SOX11: variants seen among roughly 807,000 people sequenced by gnomAD.
SOX11 encodes SRY-box transcription factor 11.
Under a neutral mutation model 16.7 loss-of-function variants are expected in SOX11, and 5 were observed. The ratio of observed to expected loss-of-function variants is 0.30; its 90% CI spans 0.16 to 0.63. The LOEUF (loss-of-function observed/expected upper bound fraction) is 0.63. Ranked by LOEUF, SOX11 falls within the 20% of genes least tolerant of loss-of-function variation. SOX11 has a pLI of 0.82. For synonymous variants in SOX11, 363 were observed against 298.8 expected, an observed-to-expected ratio of 1.21 and a Z score of -2.22; for missense variants, 492 against 641.5, an observed-to-expected ratio of 0.77 and a Z score of 2.52.
chr2:5,693,852 C>G lies in SOX11; in HGVS notation c.1131C>G (p.Ser377Arg), dbSNP rs762687158. The change falls in exon 1 of 1, where the codon AGC becomes AGG. Residue 377 changes from serine to arginine, a missense_variant. Transcript: ENST00000322002. The surrounding 1 kb of genome is among the most constrained non-coding windows in gnomAD (Gnocchi z 8.6). ...TCTCTCAAAGCGCGCACAGCGCCAG[C>G]GAGCAGCAGCTGGGGGGCGGCGCGG... is the stretch of plus-strand genomic sequence containing the variant. ...LNFSQSAHSA[S>R]EQQLGGGAAA... 1.3e-6 allele frequency: 2 copies of G among 1,551,248 alleles called. No homozygotes were observed. Among genetic ancestry groups the G allele is most frequent in the Non-Finnish European group, 1.7e-6 (2 of 1,146,936 alleles).
Position 5,699,102 on chromosome 2 carries a change from A to T in SOX11, c.*5055A>T, listed in dbSNP as rs1665792714. ...GACACTTTGAGAGAGGTTTTCTTGGACTCTCCCATTTATAGAATCTTTATA... is the reference window on the plus strand; with the variant it reads ...GACACTTTGAGAGAGGTTTTCTTGGTCTCTCCCATTTATAGAATCTTTATA... On this transcript the variant is annotated 3_prime_UTR_variant, in exon 1 of 1. Transcript: ENST00000322002. The T allele has an allele frequency of 6.0e-6, 1 of 166,452 alleles. No homozygotes were observed. The highest frequency in any genetic ancestry group is 2.4e-5 in the African/African-American group (1 of 41,218). The allele number at this position is 166,452 out of a possible 1,614,324, so 10.3% of individuals were successfully genotyped here. A position where few individuals can be genotyped will look rare whatever the true frequency, so the allele number is the denominator to read the frequency against.
chr2:5,693,581 C>A lies in SOX11; in HGVS notation c.860C>A (p.Ser287Tyr). The change falls in exon 1 of 1, where the codon TCC becomes TAC. Residue 287 changes from serine to tyrosine, a missense_variant. Transcript: ENST00000322002. The surrounding 1 kb of genome is among the most constrained non-coding windows in gnomAD (Gnocchi z 8.6). The stretch of plus-strand genomic sequence containing the variant: ...CCTACGCTGAGCAGCTCGGCGGAGT[C>A]CCCCGAGGGAGCGAGCCTCTACGAC... Reference protein sequence around the residue: ...ASPTLSSSAESPEGASLYDEV... With the variant: ...ASPTLSSSAEYPEGASLYDEV... 6.4e-7 allele frequency: 1 copy of A among 1,561,610 alleles called. No homozygotes were observed. The highest frequency in any genetic ancestry group is 8.6e-7 in the Non-Finnish European group (1 of 1,161,128).
In SOX11 at chr2:5,700,249, T is replaced by A. The variant is rs1253339628; in HGVS notation, c.*6202T>A. ...CGTCTCACTGTTTGATCAAACTTCTTTTATGTAGTCACGTAGACTTGATTT... is the reference window on the plus strand; with the variant it reads ...CGTCTCACTGTTTGATCAAACTTCTATTATGTAGTCACGTAGACTTGATTT... On this transcript the variant is annotated 3_prime_UTR_variant, in exon 1 of 1. Transcript: ENST00000322002. 1 of 167,020 alleles carries A rather than the reference T, an allele frequency of 6.0e-6. No homozygotes were observed. The highest frequency in any genetic ancestry group is 1.5e-5 in the Non-Finnish European group (1 of 68,120). The allele number at this position is 167,020 out of a possible 1,614,324, so 10.3% of individuals were successfully genotyped here.
chr2:5,696,108 G>T lies in SOX11; in HGVS notation c.*2061G>T, dbSNP rs955912422. The T allele has an allele frequency of 1.2e-5, 2 of 166,890 alleles. No individual in the cohort carries two copies. Among genetic ancestry groups the T allele is most frequent in the Non-Finnish European group, 2.9e-5 (2 of 68,164 alleles). 10.3% of individuals were successfully genotyped at this position (166,890 alleles called of 1,614,324 possible). On this transcript the variant is annotated 3_prime_UTR_variant, in exon 1 of 1. Transcript: ENST00000322002. ...CAGCCGCCTTTGGCAGCGAGCGCTC[G>T]GGGCACTTCTATCCCCGCCTCTCAA... is the stretch of plus-strand genomic sequence containing the variant.
chr2:5,698,055 C>T lies in SOX11; in HGVS notation c.*4008C>T, dbSNP rs2103280485. ...TTTTTTTTTTTTAAAGCCATGTGGC[C>T]TAACTTGATACAAAAATAAAAGTAA... is the stretch of plus-strand genomic sequence containing the variant. On this transcript the variant is annotated 3_prime_UTR_variant, in exon 1 of 1. Coordinates refer to ENST00000322002, the MANE Select transcript of SOX11 (RefSeq NM_003108.4). The T allele has an allele frequency of 6.0e-6, 1 of 166,720 alleles. No individual in the cohort carries two copies. Among genetic ancestry groups the T allele is most frequent in the South Asian group, 2.1e-4 (1 of 4,824 alleles). 10.3% of individuals were successfully genotyped at this position (166,720 alleles called of 1,614,324 possible). A position where few individuals can be genotyped will look rare whatever the true frequency, so the allele number is the denominator to read the frequency against.
Position 5,692,549 on chromosome 2 carries a change from A to C in SOX11, c.-173A>C. On this transcript the variant is annotated 5_prime_UTR_variant, in exon 1 of 1. Transcript: ENST00000322002. Reference sequence around the variant, plus strand: ...GGCGGCCGTCGTCGCCGAAGCCACCACAGCCGCTGTGTGCAGCCTGGAAGG... The same window carrying C: ...GGCGGCCGTCGTCGCCGAAGCCACCCCAGCCGCTGTGTGCAGCCTGGAAGG... 4.1e-6 allele frequency: 2 copies of C among 491,628 alleles called. No individual in the cohort carries two copies. The allele number at this position is 491,628 out of a possible 1,614,324, so 30.5% of individuals were successfully genotyped here.
rs1191041661 is a variant in SOX11 at position 5,692,555 on chromosome 2, G to C, written c.-167G>C. 4 of 560,436 alleles carry C rather than the reference G, an allele frequency of 7.1e-6. No individual in the cohort carries two copies. The highest frequency in any genetic ancestry group is 1.2e-5 in the Non-Finnish European group (4 of 344,334). 34.7% of individuals were successfully genotyped at this position (560,436 alleles called of 1,614,324 possible). A position where few individuals can be genotyped will look rare whatever the true frequency, so the allele number is the denominator to read the frequency against. On this transcript the variant is annotated 5_prime_UTR_variant, in exon 1 of 1. Transcript: ENST00000322002. ...CGTCGTCGCCGAAGCCACCACAGCC[G>C]CTGTGTGCAGCCTGGAAGGGGGGGC...
In SOX11 at chr2:5,698,695, CTT is replaced by C. The variant is rs2103280912; in HGVS notation, c.*4651_*4652del. On this transcript the variant is annotated 3_prime_UTR_variant, in exon 1 of 1. Coordinates refer to ENST00000322002, the MANE Select transcript of SOX11 (RefSeq NM_003108.4). ...GCTAGAGAAAGAAATCATTACAACT[CTT>C]TTGGGCAGAGATGTTTCTTTTTAAT... 1 of 167,176 alleles carries C rather than the reference CTT, an allele frequency of 6.0e-6. No homozygotes were observed. Among genetic ancestry groups the C allele is most frequent in the Non-Finnish European group, 1.5e-5 (1 of 68,102 alleles). The allele number at this position is 167,176 out of a possible 1,614,324, so 10.4% of individuals were successfully genotyped here. A position where few individuals can be genotyped will look rare whatever the true frequency, so the allele number is the denominator to read the frequency against.
Position 5,701,374 on chromosome 2 carries a change from G to T in SOX11, c.*7327G>T. 1 of 166,984 alleles carries T rather than the reference G, an allele frequency of 6.0e-6. No homozygotes were observed. 10.3% of individuals were successfully genotyped at this position (166,984 alleles called of 1,614,324 possible). A position where few individuals can be genotyped will look rare whatever the true frequency, so the allele number is the denominator to read the frequency against. ...TCAAAAGACTCTAATAAAATTGTGT[G>T]ATCAATCTTCACTTGTGGTTTTTAT... is the stretch of plus-strand genomic sequence containing the variant. On this transcript the variant is annotated 3_prime_UTR_variant, in exon 1 of 1. Coordinates refer to ENST00000322002, the MANE Select transcript of SOX11 (RefSeq NM_003108.4).
Position 5,697,684 on chromosome 2 carries a change from T to G in SOX11, c.*3637T>G, listed in dbSNP as rs941922505. 1.2e-5 allele frequency: 2 copies of G among 167,118 alleles called. No homozygotes were observed. The highest frequency in any genetic ancestry group is 4.8e-5 in the African/African-American group (2 of 41,444). 10.4% of individuals were successfully genotyped at this position (167,118 alleles called of 1,614,324 possible). On this transcript the variant is annotated 3_prime_UTR_variant, in exon 1 of 1. Transcript: ENST00000322002. ...ACCAGGTTCTCAATATAGAACTGGA[T>G]TTCTGGAGTTGTTTACCTTACCCCA... is the stretch of plus-strand genomic sequence containing the variant.
rs557141376 is a variant in SOX11, at chr2:5,692,421, C to G, written c.-301C>G. On this transcript the variant is annotated 5_prime_UTR_variant, in exon 1 of 1. Coordinates refer to ENST00000322002, the MANE Select transcript of SOX11 (RefSeq NM_003108.4). ...CGCGCGCCTGGGAGAGCTCGGGGTC[C>G]GGCGCTTGCGGTAGGAGCCACGAGC... Among the ~76,000 whole-genome samples, 30 of 152,152 alleles carry G rather than the reference C, an allele frequency of 2.0e-4. 1 individual carries two copies. In the South Asian group the frequency reaches 2.9e-3, roughly 15 times the overall value.
chr2:5,694,099 TGGGA>T lies in SOX11; in HGVS notation c.*55_*58del, dbSNP rs1421483529. The T allele has an allele frequency of 6.7e-7, 1 of 1,493,192 alleles. No individual in the cohort carries two copies. Among genetic ancestry groups the T allele is most frequent in the East Asian group, 2.5e-5 (1 of 40,260 alleles). The allele number at this position is 1,493,192 out of a possible 1,614,324, so 92.5% of individuals were successfully genotyped here. ...TCGGAGGGTGCAGAGCTGGGTTCCTTGGGAGGAAGTTGTAGTGGTGATGATGATG... is the reference window on the plus strand; with the variant it reads ...TCGGAGGGTGCAGAGCTGGGTTCCTTGGAAGTTGTAGTGGTGATGATGATG... On this transcript the variant is annotated 3_prime_UTR_variant, in exon 1 of 1. Coordinates refer to ENST00000322002, the MANE Select transcript of SOX11 (RefSeq NM_003108.4).
chr2:5,694,100 G>C lies in SOX11; in HGVS notation c.*53G>C, dbSNP rs1665687437. 1 of 1,493,380 alleles carries C rather than the reference G, an allele frequency of 6.7e-7. No homozygotes were observed. The highest frequency in any genetic ancestry group is 1.4e-5 in the African/African-American group (1 of 69,230). The allele number at this position is 1,493,380 out of a possible 1,614,324, so 92.5% of individuals were successfully genotyped here. A position where few individuals can be genotyped will look rare whatever the true frequency, so the allele number is the denominator to read the frequency against. ...CGGAGGGTGCAGAGCTGGGTTCCTT[G>C]GGAGGAAGTTGTAGTGGTGATGATG... On this transcript the variant is annotated 3_prime_UTR_variant, in exon 1 of 1. Transcript: ENST00000322002.
In SOX11 at chr2:5,695,153, A is replaced by G. The variant is rs1370790709; in HGVS notation, c.*1106A>G. On this transcript the variant is annotated 3_prime_UTR_variant, in exon 1 of 1. Coordinates refer to ENST00000322002, the MANE Select transcript of SOX11 (RefSeq NM_003108.4). ...TGTTGGTACGTTATGTCCTGGTTTA[A>G]AAAGGATTAAAATTTTAAAATAATC... The G allele has an allele frequency of 6.0e-6, 1 of 166,882 alleles. No individual in the cohort carries two copies. The highest frequency in any genetic ancestry group is 1.5e-5 in the Non-Finnish European group (1 of 68,076). The allele number at this position is 166,882 out of a possible 1,614,324, so 10.3% of individuals were successfully genotyped here. A position where few individuals can be genotyped will look rare whatever the true frequency, so the allele number is the denominator to read the frequency against.
Position 5,693,653 on chromosome 2 carries a change from T to A in SOX11, c.932T>A (p.Leu311His), listed in dbSNP as rs760713336. ...ATSGAGGGSR[L>H]YYSFKNITKQ... is the part of the protein sequence containing the mutation. ...TCGGGCGCCGGGGGCGGCAGCCGCC[T>A]CTACTACAGCTTCAAGAACATCACC... Residue 311 changes from leucine (L) to histidine (H), a missense_variant, in exon 1 of 1, where the codon CTC (leucine) becomes CAC (histidine). Leu to His is a moderately conservative substitution (Grantham distance 99, BLOSUM62 -3). Around this residue, in one of 4 missense-constraint regions of SOX11, gnomAD observed 389 missense variants for 389.0 expected, o/e 1.00. Transcript: ENST00000322002. The surrounding 1 kb of genome is among the most constrained non-coding windows in gnomAD (Gnocchi z 8.6). The A allele has an allele frequency of 5.6e-6, 9 of 1,594,686 alleles. No homozygotes were observed. Among genetic ancestry groups the A allele is most frequent in the Non-Finnish European group, 6.8e-6 (8 of 1,176,852 alleles).
In SOX11 at chr2:5,700,009, G is replaced by A. The variant is rs919604513; in HGVS notation, c.*5962G>A. Reference sequence around the variant, plus strand: ...CATGTATAAAAGTAATAACTTTATTGGGTAGAGATATTCTTACAAGATCTA... The same window carrying A: ...CATGTATAAAAGTAATAACTTTATTAGGTAGAGATATTCTTACAAGATCTA... On this transcript the variant is annotated 3_prime_UTR_variant, in exon 1 of 1. Transcript: ENST00000322002. 5 of 167,002 alleles carry A rather than the reference G, an allele frequency of 3.0e-5. No individual in the cohort carries two copies. Among genetic ancestry groups the A allele is most frequent in the African/African-American group, 9.7e-5 (4 of 41,444 alleles). 10.3% of individuals were successfully genotyped at this position (167,002 alleles called of 1,614,324 possible).
rs947054437 is a variant in SOX11, at chr2:5,692,665, G to T, written c.-57G>T. ...AGGTGGAGGGGTGGGAGGGGGAGGG[G>T]GACCTCCGCACGAGACCCAGCGGCC... is the stretch of plus-strand genomic sequence containing the variant. On this transcript the variant is annotated 5_prime_UTR_variant, in exon 1 of 1. Coordinates refer to ENST00000322002, the MANE Select transcript of SOX11 (RefSeq NM_003108.4). 7.0e-7 allele frequency: 1 copy of T among 1,431,096 alleles called. No homozygotes were observed. Among genetic ancestry groups the T allele is most frequent in the Non-Finnish European group, 9.4e-7 (1 of 1,068,516 alleles). 88.6% of individuals were successfully genotyped at this position (1,431,096 alleles called of 1,614,324 possible).
Position 5,692,617 on chromosome 2 carries a change from A to T in SOX11, c.-105A>T. ...GGGGAGCCGCGAAAGCGGGGTGCCG[A>T]GGACTTTGCAACTTGCCCAGGAAGG... On this transcript the variant is annotated 5_prime_UTR_variant, in exon 1 of 1. Coordinates refer to ENST00000322002, the MANE Select transcript of SOX11 (RefSeq NM_003108.4). 1.4e-6 allele frequency: 1 copy of T among 734,300 alleles called. No homozygotes were observed. Among genetic ancestry groups the T allele is most frequent in the Non-Finnish European group, 2.0e-6 (1 of 496,080 alleles). 45.5% of individuals were successfully genotyped at this position (734,300 alleles called of 1,614,324 possible).
At position 5,693,045 on chromosome 2, in the gene SOX11, G is replaced by A; in HGVS notation, c.324G>A (p.Lys108=). The change falls in exon 1 of 1, where the codon AAG becomes AAA. Residue 108 remains lysine, a synonymous_variant. Coordinates refer to ENST00000322002, the MANE Select transcript of SOX11 (RefSeq NM_003108.4). This position sits in a 1 kb window ranked among gnomAD's most constrained non-coding sequence, Gnocchi z 8.6. ...FIREAERLRL[K]HMADYPDYKY... is the part of the protein sequence containing the mutation. ...GGGAGGCGGAGCGGCTGCGGCTCAA[G>A]CACATGGCCGACTACCCCGACTACA... 1.2e-6 allele frequency: 2 copies of A among 1,614,088 alleles called. No individual in the cohort carries two copies. Among genetic ancestry groups the A allele is most frequent in the Non-Finnish European group, 1.7e-6 (2 of 1,180,012 alleles).
Sources: gnomAD v4.1 joint callset for allele counts (sites outside exome capture counted in the v4.1 genomes callset) on GRCh38, gnomAD v4.1.1 for gene constraint, gnomAD v4.1.1 regional missense constraint, Gnocchi (gnomAD v3.1) non-coding constraint, MANE v1.5 for transcripts, NCBI Gene and HGNC (gene_info 2026-07-23, HGNC 2026-07-21) for gene names.